LMBRD2: variants seen among roughly 807,000 people sequenced by gnomAD.
The protein encoded by LMBRD2 is LMBR1 domain containing 2, also known as G protein-coupled receptor-associated protein LMBRD2.
A neutral mutation model predicts 94.4 loss-of-function variants in LMBRD2; 55 were observed. The observed-to-expected ratio is 0.58, with a 90% confidence interval of 0.47 to 0.73. The LOEUF (loss-of-function observed/expected upper bound fraction) is 0.73. LMBRD2 is among the 30% of genes least tolerant of loss of function. The pLI is 0.00. For missense variants in LMBRD2, 640 were observed against 831.9 expected, an observed-to-expected ratio of 0.77 and a Z score of 2.84; for synonymous variants, 246 against 272.4, an observed-to-expected ratio of 0.90 and a Z score of 0.95.
intron 3 of LMBRD2, among the ~76,000 whole-genome samples, chr5:36,142,199 A>G (rs531198745): frequency 2.5e-4 from 38 of 152,328 alleles, no homozygotes; most frequent in Admixed American, 2.2e-3. Context: ...ATAGGCTGAG[A>G]GGAAAAACAG....
chr5:36,108,686 CA>C (rs944803416), intron 15 of LMBRD2, 47 bp from the exon 16 acceptor site: 2 of 860,822 alleles, frequency 2.3e-6, no homozygotes, highest in African/African-American at 3.4e-5. Context: ...GAAAATAATT[CA>C]TTAATGTCAA....
Position 36,143,366 on chromosome 5 carries a change from C to A in LMBRD2, c.-17G>T. 1 of 1,605,102 alleles carries A rather than the reference C, an allele frequency of 6.2e-7. No individual in the cohort carries two copies. The highest frequency in any genetic ancestry group is 1.1e-5 in the South Asian group (1 of 90,006). On this transcript the variant is annotated 5_prime_UTR_variant, in exon 2 of 18. Transcript: ENST00000296603. ...ACCACTCATTATTGAATATTTCACT[C>A]TGACTAACCAAAGTTATTCATGTAC...
intron 6 of LMBRD2, among the ~76,000 whole-genome samples, chr5:36,129,887 G>A (rs1744093189): frequency 2.0e-5 from 3 of 152,128 alleles, no homozygotes; most frequent in African/African-American, 7.2e-5. Context: ...TCCTTTGTAG[G>A]GACATGGATG....
At chr5:36,146,466 G>A (rs1490650227) in intron 1 of LMBRD2, among the ~76,000 whole-genome samples, 1 of 152,110 alleles carries the variant, frequency 6.6e-6, no homozygotes, top group Non-Finnish European at 1.5e-5. Flanking sequence ...GAGCTCCTGG[G>A]CTCAACTGAT....
intron 6 of LMBRD2, among the ~76,000 whole-genome samples, chr5:36,129,362 G>C (rs1321551553): frequency 6.6e-6 from 1 of 151,926 alleles, no homozygotes; most frequent in East Asian, 1.9e-4. Flanking sequence ...AAAAGCAGCA[G>C]GAGAAGAGAA....
In LMBRD2 at chr5:36,151,026, T is replaced by G. The variant is rs890394512; in HGVS notation, c.-58+530A>C. Among the ~76,000 whole-genome samples the G allele has an allele frequency of 6.6e-6, 1 of 152,242 alleles. No homozygotes were observed. The highest frequency in any genetic ancestry group is 1.5e-5 in the Non-Finnish European group (1 of 68,030). On this transcript the variant is annotated intron_variant, in intron 1 of 17. Transcript: ENST00000296603. The surrounding 1 kb of genome is among the most constrained non-coding windows in gnomAD (Gnocchi z 4.7). ...AATTCATCCCCCTTCCCTCTTCCAC[T>G]GTTTTCCCGGGGTCACAGTTGTAGT... is the stretch of plus-strand genomic sequence containing the variant.
intron 1 of LMBRD2, among the ~76,000 whole-genome samples, chr5:36,150,400 A>G (rs961983246): frequency 3.9e-5 from 6 of 152,034 alleles, no homozygotes; most frequent in Non-Finnish European, 1.5e-5. Flanking sequence ...ACATCTCAAA[A>G]CTGTTTATTC....
chr5:36,137,430 G>A lies in LMBRD2; in HGVS notation c.380C>T (p.Pro127Leu). 1 of 1,562,382 alleles carries A rather than the reference G, an allele frequency of 6.4e-7. No individual in the cohort carries two copies. The highest frequency in any genetic ancestry group is 8.7e-7 in the Non-Finnish European group (1 of 1,147,912). The change falls in exon 5 of 18, where the codon CCT (proline) becomes CTT (leucine). Residue 127 changes from proline (P) to leucine (L), a missense_variant. This residue lies in a region of LMBRD2 where 457 missense variants were observed against 642.8 expected (regional missense o/e 0.71). Transcript: ENST00000296603. ...TSQFLTWILLPFMQSYARSGG... is the reference protein window; with the variant it reads ...TSQFLTWILLLFMQSYARSGG... The stretch of plus-strand genomic sequence containing the variant: ...TGATCTTGCATATGACTGCATAAAA[G>A]GTAAGAGAATCCTAGATGGATAGAA...
intron 9 of LMBRD2, among the ~76,000 whole-genome samples, chr5:36,120,230 G>A (rs1450103900): frequency 6.6e-6 from 1 of 151,450 alleles, no homozygotes; most frequent in Non-Finnish European, 1.5e-5. Context: ...GCGCAATCTC[G>A]GCTCACTGCA....
intron 1 of LMBRD2, among the ~76,000 whole-genome samples, chr5:36,145,394 C>G (rs1744513214): frequency 6.6e-6 from 1 of 152,188 alleles, no homozygotes; most frequent in African/African-American, 2.4e-5. Flanking sequence ...AAAGTCAAAT[C>G]TTATGTTTTA....
intron 9 of LMBRD2, among the ~76,000 whole-genome samples, chr5:36,118,746 G>A (rs773820018): frequency 9.2e-5 from 14 of 151,932 alleles, no homozygotes; most frequent in Non-Finnish European, 1.5e-4. Flanking sequence ...TGCCTCCGGG[G>A]TTTAAGTGAT....
intron 6 of LMBRD2, among the ~76,000 whole-genome samples, chr5:36,130,045 C>T (rs973251813): frequency 3.4e-5 from 5 of 148,630 alleles, no homozygotes; most frequent in Admixed American, 2.0e-4. Flanking sequence ...TGTAGGGTGG[C>T]GGGAGCGGGG....
rs1743297749 is a variant in LMBRD2, at chr5:36,099,107, A to G, written c.*4939T>C. Reference sequence around the variant, plus strand: ...TTGCTTGTGTATTGGTATATATAAAAATCACTGACGGGATCTAGGAGTATT... The same window carrying G: ...TTGCTTGTGTATTGGTATATATAAAGATCACTGACGGGATCTAGGAGTATT... On this transcript the variant is annotated 3_prime_UTR_variant, in exon 18 of 18. Transcript: ENST00000296603. 2 of 152,078 alleles carry G rather than the reference A, an allele frequency of 1.3e-5. No individual in the cohort carries two copies. Among genetic ancestry groups the G allele is most frequent in the Non-Finnish European group, 2.9e-5 (2 of 67,950 alleles). The allele number at this position is 152,078 out of a possible 1,614,324, so 9.4% of individuals were successfully genotyped here.
intron 6 of LMBRD2, among the ~76,000 whole-genome samples, chr5:36,131,155 T>C (rs183531261): frequency 1.3e-5 from 2 of 152,302 alleles, no homozygotes; most frequent in African/African-American, 4.8e-5. Flanking sequence ...TTCAGATTTA[T>C]ACTAGGAATA....
chr5:36,139,795 T>G (rs909610506), intron 4 of LMBRD2, among the ~76,000 whole-genome samples: 4 of 152,158 alleles, frequency 2.6e-5, no homozygotes, highest in African/African-American at 7.2e-5. Flanking sequence ...ACAACCTGCC[T>G]GCAGAAAGGA....
chr5:36,109,966 T>C lies in LMBRD2; in HGVS notation c.1770A>G (p.Glu590=), dbSNP rs1743565182. ...TTACTCTTCTTCGATTTTCACCTTC[T>C]TCTTGCCTTTGCCTTTTTCTCTTCT... ...RKEKRKRQRQ[E]EGENRRREWK... is the part of the protein sequence containing the mutation. The change falls in exon 15 of 18, where the codon GAA becomes GAG. Residue 590 remains glutamate, a synonymous_variant. Transcript: ENST00000296603. The C allele has an allele frequency of 5.0e-6, 8 of 1,608,104 alleles. No individual in the cohort carries two copies. Among genetic ancestry groups the C allele is most frequent in the Non-Finnish European group, 6.8e-6 (8 of 1,175,406 alleles).
intron 4 of LMBRD2, among the ~76,000 whole-genome samples, chr5:36,140,845 C>T (rs942191018): frequency 2.6e-5 from 4 of 152,156 alleles, no homozygotes; most frequent in Admixed American, 6.5e-5. Flanking sequence ...CATGACTTTA[C>T]AAAAGCACTA....
chr5:36,117,055 A>T (rs897298439), intron 10 of LMBRD2, among the ~76,000 whole-genome samples: 2 of 152,112 alleles, frequency 1.3e-5, no homozygotes, highest in East Asian at 3.9e-4. Flanking sequence ...ACCCACTAAG[A>T]TTATGAAAAA....
At chr5:36,145,741 A>G (rs986069523) in intron 1 of LMBRD2, among the ~76,000 whole-genome samples, 1 of 152,244 alleles carries the variant, frequency 6.6e-6, no homozygotes, top group African/African-American at 2.4e-5. Context: ...AATCATACAA[A>G]AAAAAGACTA....
Sources: gnomAD v4.1 joint callset for allele counts (sites outside exome capture counted in the v4.1 genomes callset) on GRCh38, gnomAD v4.1.1 for gene constraint, gnomAD v4.1.1 regional missense constraint, Gnocchi (gnomAD v3.1) non-coding constraint, MANE v1.5 for transcripts, NCBI Gene and HGNC (gene_info 2026-07-23, HGNC 2026-07-21) for gene names.